DLGAP1: variants seen among roughly 807,000 people sequenced by gnomAD.
The protein encoded by DLGAP1 is disks large-associated protein 1.
In DLGAP1, 11 loss-of-function variants were observed where a neutral mutation model predicts 90.8. That is an observed-to-expected ratio of 0.12 (90% CI 0.08 to 0.20). The LOEUF is 0.20. Ranked by LOEUF, DLGAP1 falls within the 10% of genes least tolerant of loss-of-function variation. DLGAP1 has a pLI of 1.00. For missense variants in DLGAP1, 1,050 were observed against 1,333.8 expected (o/e 0.79, Z 3.31); for synonymous variants, 558 against 540.7 (o/e 1.03, Z -0.44).
chr18:4,320,412 A>G (rs1282328892), intron 1 of DLGAP1, among the ~76,000 whole-genome samples: 2 of 152,150 alleles, frequency 1.3e-5, no homozygotes, highest in Non-Finnish European at 2.9e-5. Flanking sequence ...TATAAATGAT[A>G]TATTCTGTCA....
chr18:3,915,403 T>C (rs1002016803), intron 3 of DLGAP1, among the ~76,000 whole-genome samples: 4 of 152,126 alleles, frequency 2.6e-5, no homozygotes, highest in Non-Finnish European at 5.9e-5. Flanking sequence ...GTGGGTGACT[T>C]GGTAAAGTGG....
intron 2 of DLGAP1, among the ~76,000 whole-genome samples, chr18:4,016,954 A>ACT (rs2074533557): frequency 6.6e-6 from 1 of 152,232 alleles, no homozygotes; most frequent in Non-Finnish European, 1.5e-5. Context: ...CGTGGAGTAT[A>ACT]CTAAAGGCTC....
At chr18:3,920,976 C>A (rs2072257077) in intron 3 of DLGAP1, among the ~76,000 whole-genome samples, 1 of 152,142 alleles carries the variant, frequency 6.6e-6, no homozygotes, top group Admixed American at 6.5e-5. Context: ...ATCAAAAATC[C>A]AACTTGTATG....
Position 4,341,984 on chromosome 18 carries a change from C to T in DLGAP1, c.-267+113022G>A, listed in dbSNP as rs1009224920. ...GAGCAAATTACTGAATTCCTTGAAT[C>T]TCATTTTATCCACAAGTAAAAATAA... On this transcript the variant is annotated intron_variant, in intron 1 of 12. Coordinates refer to ENST00000315677, the MANE Select transcript of DLGAP1 (RefSeq NM_004746.4). 1.2e-4 allele frequency among the ~76,000 whole-genome samples: 19 copies of T among 152,042 alleles called. 1 individual carries two copies. Among genetic ancestry groups the T allele is most frequent in the African/African-American group, 4.1e-4 (17 of 41,394 alleles).
chr18:4,121,442 T>A (rs914777099), intron 2 of DLGAP1, among the ~76,000 whole-genome samples: 1 of 152,004 alleles, frequency 6.6e-6, no homozygotes, highest in South Asian at 2.1e-4. Flanking sequence ...CCCTGCTAAG[T>A]CACTTTGGCA....
intron 1 of DLGAP1, among the ~76,000 whole-genome samples, chr18:4,387,802 G>A (rs977775528): frequency 2.0e-5 from 3 of 152,096 alleles, no homozygotes; most frequent in African/African-American, 7.2e-5. Context: ...ATGGTGGTGT[G>A]TGCCTGTAGT....
chr18:4,424,993 T>C (rs541549235), intron 1 of DLGAP1, among the ~76,000 whole-genome samples: 2 of 146,626 alleles, frequency 1.4e-5, no homozygotes, highest in Non-Finnish European at 3.0e-5. Flanking sequence ...ACATATTTAC[T>C]GCCTAGTATA....
At chr18:3,665,626 G>C (rs893025680) in intron 7 of DLGAP1, among the ~76,000 whole-genome samples, 1 of 152,054 alleles carries the variant, frequency 6.6e-6, no homozygotes, top group Non-Finnish European at 1.5e-5. Context: ...CCTCCAAATG[G>C]GTCTGTGTAC....
intron 10 of DLGAP1, among the ~76,000 whole-genome samples, chr18:3,511,326 ACT>A (rs1483308066): frequency 7.2e-5 from 11 of 151,890 alleles, no homozygotes; most frequent in African/African-American, 2.7e-4. Context: ...TCCATTAGAC[ACT>A]CACTCTGTGT....
chr18:4,203,354 A>G lies in DLGAP1; in HGVS notation c.-266-52067T>C, dbSNP rs577872637. 1.2e-3 allele frequency among the ~76,000 whole-genome samples: 184 copies of G among 152,252 alleles called. 1 individual carries two copies. The highest frequency in any genetic ancestry group is 1.2e-3 in the Non-Finnish European group (80 of 68,016). ...AAATACTCTCTAGTTGCAAGAATGC[A>G]TCCTTGAAATATTCATTAAATATTT... On this transcript the variant is annotated intron_variant, in intron 1 of 12. Transcript: ENST00000315677.
chr18:3,899,869 T>G (rs1223204406), intron 3 of DLGAP1, among the ~76,000 whole-genome samples: 1 of 152,198 alleles, frequency 6.6e-6, no homozygotes. Context: ...TTCACCTTTT[T>G]AAAAACATGA....
chr18:3,540,236 G>A (rs2052610774), intron 9 of DLGAP1, among the ~76,000 whole-genome samples: 2 of 151,996 alleles, frequency 1.3e-5, no homozygotes, highest in South Asian at 4.1e-4. Context: ...GGAAGCCAAG[G>A]CGGGCAGATC....
chr18:3,845,774 C>T (rs1369703950), intron 4 of DLGAP1, among the ~76,000 whole-genome samples: 1 of 152,166 alleles, frequency 6.6e-6, no homozygotes, highest in Non-Finnish European at 1.5e-5. Context: ...ATGCCTTTTA[C>T]AATGTTGAAG....
chr18:4,334,170 A>G (rs1004968903), intron 1 of DLGAP1, among the ~76,000 whole-genome samples: 16 of 151,540 alleles, frequency 1.1e-4, no homozygotes, highest in Non-Finnish European at 2.2e-4. Context: ...CCCGGGAGGC[A>G]GAGGTTGTGG....
intron 7 of DLGAP1, chr18:3,597,100 T>C (rs760908722): frequency 5.8e-6 from 3 of 520,082 alleles, no homozygotes; most frequent in Non-Finnish European, 1.2e-5. Context: ...TCTTTTTTTT[T>C]TCACTCTCAG....
rs546429470 is a variant in DLGAP1 at position 3,862,064 on chromosome 18, C to T, written c.957+17048G>A. ...TTGGAAAGGTTTGAGACTCACTTGT[C>T]TCAGCAAACAGGGTTCAATTAAACC... On this transcript the variant is annotated intron_variant, in intron 4 of 12. Transcript: ENST00000315677. Among the ~76,000 whole-genome samples the T allele has an allele frequency of 7.2e-5, 11 of 152,324 alleles. No individual in the cohort carries two copies. In the South Asian group the frequency reaches 2.3e-3, roughly 32 times the overall value.
At chr18:4,441,005 A>T (rs1031665452) in intron 1 of DLGAP1, among the ~76,000 whole-genome samples, 1 of 152,254 alleles carries the variant, frequency 6.6e-6, no homozygotes, top group African/African-American at 2.4e-5. Flanking sequence ...GCAAAGAATT[A>T]TAAGAGGCAA....
chr18:3,602,521 G>T (rs1381810233), intron 7 of DLGAP1, among the ~76,000 whole-genome samples: 1 of 150,556 alleles, frequency 6.6e-6, no homozygotes, highest in Non-Finnish European at 1.5e-5. Flanking sequence ...CGTGAACCCG[G>T]GAGGCGGAGC....
chr18:4,056,756 G>A (rs1036058975), intron 2 of DLGAP1, among the ~76,000 whole-genome samples: 1 of 152,074 alleles, frequency 6.6e-6, no homozygotes, highest in African/African-American at 2.4e-5. Context: ...ATACCTGGGG[G>A]ACTGATTTGG....
Sources: gnomAD v4.1 joint callset for allele counts (sites outside exome capture counted in the v4.1 genomes callset) on GRCh38, gnomAD v4.1.1 for gene constraint, MANE v1.5 for transcripts, NCBI Gene and HGNC (gene_info 2026-07-23, HGNC 2026-07-21) for gene names.